TACC2: variants seen among roughly 807,000 people sequenced by gnomAD.
TACC2 encodes the protein transforming acidic coiled-coil-containing protein 2.
In TACC2, 137 loss-of-function variants were observed where a neutral mutation model predicts 227.3. The ratio of observed to expected loss-of-function variants is 0.60; its 90% CI spans 0.52 to 0.69. The LOEUF (loss-of-function observed/expected upper bound fraction) is 0.69. TACC2 is among the 30% of genes least tolerant of loss of function. TACC2 has a pLI of 0.00. For synonymous variants in TACC2, 1,523 were observed against 1,487.5 expected (o/e 1.02, Z -0.55); for missense variants, 3,470 against 3,694.4 (o/e 0.94, Z 1.57).
Position 122,210,221 on chromosome 10 carries a change from G to A in TACC2, c.5972-176G>A. 1.6e-6 allele frequency: 1 copy of A among 628,702 alleles called. No individual in the cohort carries two copies. The highest frequency in any genetic ancestry group is 1.9e-5 in the South Asian group (1 of 51,466). The allele number at this position is 628,702 out of a possible 1,614,324, so 38.9% of individuals were successfully genotyped here. ...TGGGCGAACCTGGCCTGGGTCTTGAGCTAATTACGGGTAGGTCAGGTTCTG... is the reference window on the plus strand; with the variant it reads ...TGGGCGAACCTGGCCTGGGTCTTGAACTAATTACGGGTAGGTCAGGTTCTG... On this transcript the variant is annotated intron_variant, in intron 8 of 22. Coordinates refer to ENST00000369005, the MANE Select transcript of TACC2 (RefSeq NM_206862.4). The surrounding 1 kb of genome is among the most constrained non-coding windows in gnomAD (Gnocchi z 4.6).
At chr10:122,123,809 ATTT>A (rs55702616) in intron 5 of TACC2, among the ~76,000 whole-genome samples, 5,070 of 98,454 alleles carry the variant, frequency 0.051, 212 homozygotes, top group African/African-American at 0.14. Context: ...CTGTAGAGTC[ATTT>A]TTTTTTTTTT....
At chr10:122,111,159 T>A (rs953874431) in intron 5 of TACC2, among the ~76,000 whole-genome samples, 5 of 151,600 alleles carry the variant, frequency 3.3e-5, no homozygotes, top group African/African-American at 9.7e-5. Context: ...TACTTTAAAG[T>A]CAGGTGATTA....
At chr10:122,156,426 G>A (rs150067672) in intron 7 of TACC2, among the ~76,000 whole-genome samples, 2,765 of 151,610 alleles carry the variant, frequency 0.018, 26 homozygotes, top group Non-Finnish European at 0.027. Context: ...AGGTTTCACC[G>A]TGTTAGCCAG....
chr10:122,129,277 C>G (rs964698518), intron 5 of TACC2, among the ~76,000 whole-genome samples: 1 of 151,726 alleles, frequency 6.6e-6, no homozygotes. Context: ...AGGCTCGTCT[C>G]GAACTCTTGA....
chr10:122,085,615 A>G lies in TACC2; in HGVS notation c.3115A>G (p.Asn1039Asp), dbSNP rs562955567. Reference protein sequence around the residue: ...GLSKREMASGNTGEAPPCQPD... With the variant: ...GLSKREMASGDTGEAPPCQPD... ...GAGTAAGAGGGAGATGGCAAGTGGA[A>G]ACACAGGGGAGGCCCCACCTTGTCA... Residue 1039 changes from asparagine to aspartate, a missense_variant, in exon 4 of 23, where the codon AAC becomes GAC. By Grantham distance (23) the Asn-to-Asp change is conservative. Coordinates refer to ENST00000369005, the MANE Select transcript of TACC2 (RefSeq NM_206862.4). The G allele has an allele frequency of 6.2e-7, 1 of 1,613,374 alleles. No homozygotes were observed. The highest frequency in any genetic ancestry group is 1.3e-5 in the African/African-American group (1 of 75,060).
At chr10:122,244,806 C>T (rs2096073931) in intron 19 of TACC2, among the ~76,000 whole-genome samples, 1 of 152,152 alleles carries the variant, frequency 6.6e-6, no homozygotes, top group Admixed American at 6.5e-5. Context: ...CTGCTCCATT[C>T]AGCTTTCACA....
intron 1 of TACC2, among the ~76,000 whole-genome samples, chr10:122,020,328 G>GTA (rs879377774): frequency 2.2e-4 from 34 of 152,070 alleles, no homozygotes; most frequent in Non-Finnish European, 4.0e-4. Flanking sequence ...GTGTGTGTGT[G>GTA]TGTGTGTGTG....
At chr10:122,232,575 A>G (rs1274005853) in intron 16 of TACC2, among the ~76,000 whole-genome samples, 1 of 152,190 alleles carries the variant, frequency 6.6e-6, no homozygotes, top group Non-Finnish European at 1.5e-5. Context: ...TGCTCAAAGG[A>G]GTATTCTGTG....
chr10:122,049,622 G>A (rs1399784172), intron 2 of TACC2, among the ~76,000 whole-genome samples: 1 of 152,156 alleles, frequency 6.6e-6, no homozygotes, highest in East Asian at 1.9e-4. Context: ...GAAACAAAAT[G>A]AAAGACAACC....
At chr10:122,237,325 G>A (rs1303762675) in intron 16 of TACC2, 70 bp from the exon 17 acceptor site, 1 of 1,443,548 alleles carries the variant, frequency 6.9e-7, no homozygotes, top group African/African-American at 1.4e-5. Context: ...TCATGAGAGG[G>A]TGAGTGTAAT....
chr10:122,130,318 A>G (rs2087803843), intron 5 of TACC2, among the ~76,000 whole-genome samples: 1 of 151,100 alleles, frequency 6.6e-6, no homozygotes, highest in South Asian at 2.1e-4. Flanking sequence ...CTTCATCTGT[A>G]CTCTAGTTGC....
chr10:122,145,802 C>T (rs1327153936), intron 7 of TACC2, among the ~76,000 whole-genome samples: 1 of 152,172 alleles, frequency 6.6e-6, no homozygotes, highest in Non-Finnish European at 1.5e-5. Context: ...CCCATTTGCT[C>T]TATGTCTTTC....
At chr10:122,200,388 A>G (rs1193899643) in intron 8 of TACC2, among the ~76,000 whole-genome samples, 1 of 152,094 alleles carries the variant, frequency 6.6e-6, no homozygotes, top group Non-Finnish European at 1.5e-5. Context: ...CCACATCTAC[A>G]GTGAGAGGAC....
At chr10:122,104,533 T>C (rs2082531587) in intron 5 of TACC2, among the ~76,000 whole-genome samples, 1 of 152,110 alleles carries the variant, frequency 6.6e-6, no homozygotes, top group Non-Finnish European at 1.5e-5. Flanking sequence ...CACGCCCAGC[T>C]AATTTTTTTG....
At chr10:122,016,176 C>T (rs575057026) in intron 1 of TACC2, among the ~76,000 whole-genome samples, 1 of 146,834 alleles carries the variant, frequency 6.8e-6, no homozygotes, top group East Asian at 2.1e-4. Flanking sequence ...ATGGGATGAT[C>T]GCTTGAGCCC....
chr10:122,151,405 C>G (rs2092022711), intron 7 of TACC2, among the ~76,000 whole-genome samples: 4 of 151,884 alleles, frequency 2.6e-5, no homozygotes, highest in Admixed American at 2.0e-4. Flanking sequence ...CCAAATGTGC[C>G]AAAGCTTGGG....
chr10:122,223,053 C>CTTTT (rs35098612), intron 11 of TACC2, among the ~76,000 whole-genome samples: 6 of 94,008 alleles, frequency 6.4e-5, no homozygotes, highest in African/African-American at 1.6e-4. Context: ...CTCTCTCTCT[C>CTTTT]TTTTTTTTTT....
intron 2 of TACC2, among the ~76,000 whole-genome samples, chr10:122,045,117 C>T (rs1444397452): frequency 6.6e-6 from 1 of 152,120 alleles, no homozygotes; most frequent in Non-Finnish European, 1.5e-5. Context: ...GTACGTCTTT[C>T]GATTTGCAGA....
chr10:122,226,338 A>G (rs367760579), intron 12 of TACC2, 28 bp from the exon 13 acceptor site: 499 of 1,543,808 alleles, frequency 3.2e-4, no homozygotes, highest in Non-Finnish European at 4.2e-4. Flanking sequence ...ACTGTACCCA[A>G]GCTGATATGT....
Sources: gnomAD v4.1 joint callset for allele counts (sites outside exome capture counted in the v4.1 genomes callset) on GRCh38, gnomAD v4.1.1 for gene constraint, Gnocchi (gnomAD v3.1) non-coding constraint, MANE v1.5 for transcripts, NCBI Gene and HGNC (gene_info 2026-07-23, HGNC 2026-07-21) for gene names.